GADL1: variants seen among roughly 807,000 people sequenced by gnomAD.
GADL1 encodes the protein acidic amino acid decarboxylase GADL1.
GADL1 carries 71 observed loss-of-function variants against 69.5 expected under a neutral mutation model. That is an observed-to-expected ratio of 1.02 (90% CI 0.84 to 1.25). The LOEUF (loss-of-function observed/expected upper bound fraction) is 1.25, where lower values mean the gene tolerates loss of function less well. Ranked by LOEUF, GADL1 falls within the 50% of genes most tolerant of loss-of-function variation. The pLI is 0.00. For missense variants in GADL1, 737 were observed against 631.8 expected, an observed-to-expected ratio of 1.17 and a Z score of -1.79; for synonymous variants, 254 against 214.4, an observed-to-expected ratio of 1.18 and a Z score of -1.62.
At chr3:30,807,703 G>A (rs1697278448) in intron 11 of GADL1, among the ~76,000 whole-genome samples, 1 of 152,238 alleles carries the variant, frequency 6.6e-6, no homozygotes, top group Non-Finnish European at 1.5e-5. Flanking sequence ...TGTAGTTGGT[G>A]TGGGGGATGG....
chr3:30,793,551 A>G (rs1696965956), intron 12 of GADL1, among the ~76,000 whole-genome samples: 1 of 152,158 alleles, frequency 6.6e-6, no homozygotes, highest in South Asian at 2.1e-4. Flanking sequence ...CTTGGCATAA[A>G]AGAGAGAAAA....
chr3:30,831,894 C>T (rs1297159349), intron 11 of GADL1, among the ~76,000 whole-genome samples: 1 of 151,878 alleles, frequency 6.6e-6, no homozygotes, highest in Non-Finnish European at 1.5e-5. Flanking sequence ...CTTATCAAAA[C>T]AGCAGTTAAA....
chr3:30,766,127 C>T (rs949512364), intron 14 of GADL1, among the ~76,000 whole-genome samples: 3 of 152,146 alleles, frequency 2.0e-5, no homozygotes, highest in African/African-American at 4.8e-5. Context: ...CAAAAGACTG[C>T]ATCATTCCCC....
intron 1 of GADL1, among the ~76,000 whole-genome samples, chr3:30,888,472 A>AG (rs1307455009): frequency 6.6e-6 from 1 of 152,170 alleles, no homozygotes; most frequent in Non-Finnish European, 1.5e-5. Flanking sequence ...CCAAGTGGGA[A>AG]GGAGAGAGAA....
chr3:30,833,973 CAATT>C (rs1697832415), intron 10 of GADL1, 39 bp from the exon 11 acceptor site: 2 of 1,403,658 alleles, frequency 1.4e-6, no homozygotes, highest in Non-Finnish European at 2.0e-6. Context: ...GGAGAGGACT[CAATT>C]AGTTTCTACA....
At chr3:30,775,553 T>C (rs1559496351) in intron 14 of GADL1, among the ~76,000 whole-genome samples, 1 of 148,914 alleles carries the variant, frequency 6.7e-6, no homozygotes, top group Admixed American at 6.6e-5. Context: ...GAACCAGTGA[T>C]AATTTGTCTG....
intron 12 of GADL1, 37 bp from the exon 13 acceptor site, chr3:30,786,443 A>ATT: frequency 9.4e-7 from 1 of 1,066,456 alleles, no homozygotes; most frequent in Non-Finnish European, 1.5e-6. Context: ...TATAATCTGC[A>ATT]ATGTAAAAGT....
chr3:30,831,037 C>G (rs1246265275), intron 11 of GADL1, among the ~76,000 whole-genome samples: 2 of 152,006 alleles, frequency 1.3e-5, no homozygotes, highest in African/African-American at 4.8e-5. Context: ...TTTCCCATCT[C>G]TCTTGCCATC....
chr3:30,743,620 C>T (rs747443979), intron 14 of GADL1, among the ~76,000 whole-genome samples: 2 of 152,168 alleles, frequency 1.3e-5, no homozygotes, highest in Non-Finnish European at 2.9e-5. Context: ...CAGAACACAA[C>T]CACTCTGAGA....
At chr3:30,758,566 A>AT (rs1382710957) in intron 14 of GADL1, among the ~76,000 whole-genome samples, 1 of 152,228 alleles carries the variant, frequency 6.6e-6, no homozygotes, top group Non-Finnish European at 1.5e-5. Context: ...GAGATCATAT[A>AT]TGTAATGGGC....
rs138351211 is a variant in GADL1, at chr3:30,816,444, C to T, written c.1051-15356G>A. Among the ~76,000 whole-genome samples the T allele has an allele frequency of 3.3e-5, 5 of 151,012 alleles. No homozygotes were observed. The East Asian group carries it at 7.8e-4, about 24-fold the overall frequency. On this transcript the variant is annotated intron_variant, in intron 11 of 14. Transcript: ENST00000282538. ...TTCCAAGCCTCATCTCCCAGCACAT[C>T]GTTCCCTAGCCCCAGACACCTGGCA...
Position 30,894,610 on chromosome 3 carries a change from C to T in GADL1, c.5G>A (p.Ser2Asn). The part of the protein sequence containing the change: M[S>N]SDSDRQCPVD... ...AGGACACTGGCGGTCCGAGTCGCTG[C>T]TCATCTCCGCTCCCCCACTCCAGGC... Residue 2 changes from serine (S) to asparagine (N), a missense_variant, in exon 1 of 15, where the codon AGC (serine) becomes AAC (asparagine). Physicochemically the swap from Ser to Asn is conservative, Grantham distance 46 (BLOSUM62 1). Transcript: ENST00000282538. 1 of 1,550,952 alleles carries T rather than the reference C, an allele frequency of 6.4e-7. No homozygotes were observed. Among genetic ancestry groups the T allele is most frequent in the African/African-American group, 1.4e-5 (1 of 73,152 alleles).
chr3:30,754,533 G>A (rs747880012), intron 14 of GADL1, among the ~76,000 whole-genome samples: 3 of 152,074 alleles, frequency 2.0e-5, no homozygotes, highest in East Asian at 1.9e-4. Context: ...AAATTCTACC[G>A]CTAAGCTGAC....
intron 14 of GADL1, among the ~76,000 whole-genome samples, chr3:30,742,824 G>A (rs1695646801): frequency 6.6e-6 from 1 of 152,024 alleles, no homozygotes; most frequent in East Asian, 1.9e-4. Context: ...CATATTTCAA[G>A]TAATTTTTTT....
intron 14 of GADL1, among the ~76,000 whole-genome samples, chr3:30,771,909 A>G (rs1035791843): frequency 1.3e-5 from 2 of 152,212 alleles, no homozygotes; most frequent in Non-Finnish European, 2.9e-5. Context: ...CTAAGTCCAG[A>G]TATTAGACAT....
intron 8 of GADL1, among the ~76,000 whole-genome samples, 165 bp downstream of exon 8, chr3:30,844,044 AT>A (rs1230959283): frequency 2.6e-5 from 4 of 152,236 alleles, no homozygotes; most frequent in Non-Finnish European, 4.4e-5. Context: ...ACATCTGTAA[AT>A]GAGTTTTCCT....
intron 11 of GADL1, among the ~76,000 whole-genome samples, chr3:30,828,480 G>GGGC (rs1697722802): frequency 4.3e-5 from 1 of 23,450 alleles, no homozygotes; most frequent in African/African-American, 7.2e-5. Flanking sequence ...AAATAAAAGT[G>GGGC]GGGGGGGTGC....
intron 1 of GADL1, among the ~76,000 whole-genome samples, chr3:30,871,042 AGT>A (rs4016178): frequency 0.12 from 16,348 of 141,264 alleles, 1,004 homozygotes; most frequent in Middle Eastern, 0.16. Flanking sequence ...AAGGCAGAAA[AGT>A]GTGTGTGTGT....
chr3:30,736,321 G>A (rs1695540760), intron 14 of GADL1, among the ~76,000 whole-genome samples: 1 of 151,998 alleles, frequency 6.6e-6, no homozygotes, highest in African/African-American at 2.4e-5. Context: ...GAGATTCTCT[G>A]TGACTTTGGG....
Sources: allele counts gnomAD v4.1 joint callset (sites outside exome capture counted in the v4.1 genomes callset), GRCh38; gene constraint gnomAD v4.1.1; transcripts MANE v1.5; gene names NCBI Gene and HGNC (gene_info 2026-07-23, HGNC 2026-07-21).